The following DPP10 variants were observed in gnomAD, a reference collection of about 807,000 sequenced individuals.
DPP10 encodes dipeptidyl peptidase like 10, also known as inactive dipeptidyl peptidase 10.
In DPP10, 33 loss-of-function variants were observed where a neutral mutation model predicts 120.9. That is an observed-to-expected ratio of 0.27 (90% CI 0.21 to 0.37). DPP10 has a LOEUF of 0.37. Ranked by LOEUF, DPP10 falls within the 10% of genes least tolerant of loss-of-function variation. The pLI, the probability that DPP10 is intolerant of heterozygous loss-of-function variation, is 1.00. For missense variants in DPP10, 816 were observed against 942.8 expected, an observed-to-expected ratio of 0.87 and a Z score of 1.76; for synonymous variants, 337 against 326.1, an observed-to-expected ratio of 1.03 and a Z score of -0.36.
intron 1 of DPP10, among the ~76,000 whole-genome samples, chr2:115,014,862 C>CAAAA (rs144688918): frequency 1.8e-4 from 21 of 118,606 alleles, no homozygotes; most frequent in South Asian, 2.9e-4. Flanking sequence ...GCCTACCAAC[C>CAAAA]AAAAAAAAAA....
chr2:114,918,116 C>A (rs1694937263), intron 1 of DPP10, among the ~76,000 whole-genome samples: 1 of 152,018 alleles, frequency 6.6e-6, no homozygotes, highest in Admixed American at 6.6e-5. Flanking sequence ...AAAAACCAAA[C>A]AATCTCATTA....
intron 3 of DPP10, among the ~76,000 whole-genome samples, chr2:115,359,972 T>C (rs1457664980): frequency 6.6e-6 from 1 of 152,220 alleles, no homozygotes; most frequent in Non-Finnish European, 1.5e-5. Context: ...TCAGTTTTGT[T>C]TTTTCTTAAA....
At chr2:115,319,840 G>A (rs2061973692) in intron 2 of DPP10, among the ~76,000 whole-genome samples, 2 of 152,122 alleles carry the variant, frequency 1.3e-5, no homozygotes, top group Non-Finnish European at 2.9e-5. Context: ...CCAGAGGGAA[G>A]GAACACTGCA....
intron 5 of DPP10, among the ~76,000 whole-genome samples, chr2:115,647,642 A>C (rs997468436): frequency 6.6e-6 from 1 of 152,134 alleles, no homozygotes. Flanking sequence ...TAATTTATAT[A>C]AAACAGAAAT....
intron 3 of DPP10, among the ~76,000 whole-genome samples, chr2:115,490,854 C>T (rs1194584389): frequency 6.6e-6 from 1 of 152,196 alleles, no homozygotes; most frequent in Non-Finnish European, 1.5e-5. Context: ...CGTGGTGGCT[C>T]ACGCCCATAT....
At chr2:115,022,650 C>T (rs940134888) in intron 1 of DPP10, among the ~76,000 whole-genome samples, 1 of 151,318 alleles carries the variant, frequency 6.6e-6, no homozygotes, top group Non-Finnish European at 1.5e-5. Flanking sequence ...GAAAAAACAA[C>T]CCTAAAATTC....
chr2:115,609,076 T>C (rs1198333014), intron 5 of DPP10, among the ~76,000 whole-genome samples: 1 of 151,838 alleles, frequency 6.6e-6, no homozygotes, highest in African/African-American at 2.4e-5. Flanking sequence ...ATTATGAAAT[T>C]CCCAAATGTA....
chr2:115,027,106 C>T (rs948046046), intron 1 of DPP10, among the ~76,000 whole-genome samples: 1 of 151,888 alleles, frequency 6.6e-6, no homozygotes, highest in Admixed American at 6.6e-5. Context: ...GGATTGCTTT[C>T]TTGATTTGTT....
chr2:115,809,566 C>A (rs1310054549), intron 19 of DPP10, among the ~76,000 whole-genome samples: 1 of 152,094 alleles, frequency 6.6e-6, no homozygotes, highest in African/African-American at 2.4e-5. Context: ...CTTTCACATT[C>A]TTTTTAAATT....
intron 25 of DPP10, 44 bp downstream of exon 25, chr2:115,840,867 T>A: frequency 1.9e-6 from 3 of 1,548,152 alleles, no homozygotes; most frequent in Non-Finnish European, 2.7e-6. Flanking sequence ...GCTGTGTTTT[T>A]TCACTTGTGA....
chr2:115,194,536 G>T (rs891252781), intron 1 of DPP10, among the ~76,000 whole-genome samples: 1 of 152,166 alleles, frequency 6.6e-6, no homozygotes, highest in Non-Finnish European at 1.5e-5. Flanking sequence ...TGGAATGGCT[G>T]CTTGAGGGGA....
chr2:115,760,614 A>G (rs760006702), intron 11 of DPP10, among the ~76,000 whole-genome samples: 2 of 152,250 alleles, frequency 1.3e-5, no homozygotes, highest in Non-Finnish European at 2.9e-5. Context: ...CTCTTTGAGT[A>G]GAATGATGAG....
At chr2:114,536,638 C>T (rs531906488) in intron 1 of DPP10, among the ~76,000 whole-genome samples, 2 of 152,100 alleles carry the variant, frequency 1.3e-5, no homozygotes, top group African/African-American at 4.8e-5. Flanking sequence ...ATCTCCTGAC[C>T]TTGTGATCCA....
At chr2:115,180,515 G>A (rs1278014353) in intron 1 of DPP10, among the ~76,000 whole-genome samples, 2 of 152,204 alleles carry the variant, frequency 1.3e-5, no homozygotes, top group African/African-American at 4.8e-5. Context: ...TGAAAATCCT[G>A]TCAGATCTTC....
At chr2:115,707,671 A>G (rs1245258808) in intron 7 of DPP10, among the ~76,000 whole-genome samples, 1 of 151,870 alleles carries the variant, frequency 6.6e-6, no homozygotes, top group East Asian at 1.9e-4. Flanking sequence ...TTATGGGACT[A>G]GTAAAATAAA....
In DPP10 at chr2:115,695,451, T is replaced by C. The variant is rs192210337; in HGVS notation, c.576+5530T>C. On this transcript the variant is annotated intron_variant, in intron 7 of 25. Transcript: ENST00000410059. ...CATGGCTGGGGAGGCCTCAAAATCA[T>C]GGTGGGAGGCAAAGGAAGAGCAAAG... is the stretch of plus-strand genomic sequence containing the variant. Among the ~76,000 whole-genome samples, 130 of 152,178 alleles carry C rather than the reference T, an allele frequency of 8.5e-4. 3 individuals carry two copies. The highest frequency in any genetic ancestry group is 3.4e-3 in the Middle Eastern group (1 of 294).
At chr2:115,151,329 T>C (rs1339521954) in intron 1 of DPP10, among the ~76,000 whole-genome samples, 7 of 152,184 alleles carry the variant, frequency 4.6e-5, no homozygotes, top group Non-Finnish European at 8.8e-5. Flanking sequence ...GTGTTGATTG[T>C]ACTACGTTAA....
chr2:114,546,587 T>A (rs572751888), intron 1 of DPP10, among the ~76,000 whole-genome samples: 2 of 152,226 alleles, frequency 1.3e-5, no homozygotes, highest in Non-Finnish European at 2.9e-5. Flanking sequence ...GAAATGTTTT[T>A]CTGGTCTGAA....
In DPP10 at chr2:115,212,169, C is replaced by G. The variant is rs549107803; in HGVS notation, c.61-97070C>G. Among the ~76,000 whole-genome samples, 3 of 152,266 alleles carry G rather than the reference C, an allele frequency of 2.0e-5. No homozygotes were observed. In the East Asian group the frequency reaches 5.8e-4, roughly 29 times the overall value. ...GTGTTACCTTTAAACTAAACACTTA[C>G]TGTTCCCTAAAGCACTTTAGTGCTT... On this transcript the variant is annotated intron_variant, in intron 1 of 25. Coordinates refer to ENST00000410059, the MANE Select transcript of DPP10 (RefSeq NM_020868.6).
Sources: allele counts gnomAD v4.1 joint callset (sites outside exome capture counted in the v4.1 genomes callset), GRCh38; gene constraint gnomAD v4.1.1; transcripts MANE v1.5; gene names NCBI Gene and HGNC (gene_info 2026-07-23, HGNC 2026-07-21).